MAPK10: variants seen among roughly 807,000 people sequenced by gnomAD.
MAPK10 encodes the protein mitogen-activated protein kinase 10.
A neutral mutation model predicts 59.3 loss-of-function variants in MAPK10; 25 were observed. That is an observed-to-expected ratio of 0.42 (90% CI 0.31 to 0.59). The LOEUF is 0.59. Among genes scored for constraint, MAPK10 ranks in the 20% least tolerant of loss-of-function variants. The probability of loss-of-function intolerance (pLI) is 0.15; values close to 1 mark genes in which losing one functional copy is unlikely to be tolerated. For synonymous variants in MAPK10, 190 were observed against 200.5 expected, an observed-to-expected ratio of 0.95 and a Z score of 0.44; for missense variants, 351 against 568.9, an observed-to-expected ratio of 0.62 and a Z score of 3.90.
At chr4:86,112,352 G>A (rs1243594726) in intron 4 of MAPK10, among the ~76,000 whole-genome samples, 1 of 152,134 alleles carries the variant, frequency 6.6e-6, no homozygotes, top group African/African-American at 2.4e-5. Flanking sequence ...TGGGCACTTA[G>A]AGCTATAAAT....
chr4:86,165,449 T>C (rs7696980), intron 3 of MAPK10, among the ~76,000 whole-genome samples: 12,835 of 151,680 alleles, frequency 0.085, 1,196 homozygotes, highest in African/African-American at 0.23. Flanking sequence ...ACAATCATGG[T>C]TTGCTGCAGC....
chr4:86,418,976 C>T (rs190678885), intron 1 of MAPK10, among the ~76,000 whole-genome samples: 16 of 152,070 alleles, frequency 1.1e-4, no homozygotes, highest in African/African-American at 3.6e-4. Flanking sequence ...GGGATAAGAA[C>T]GGTATAATGA....
chr4:86,502,506 T>G (rs1755404407), intron 1 of MAPK10, among the ~76,000 whole-genome samples: 1 of 152,060 alleles, frequency 6.6e-6, no homozygotes, highest in African/African-American at 2.4e-5. Context: ...CTCACAAAAC[T>G]TCTTGTTTCT....
At chr4:86,212,787 C>A (rs2086207805) in intron 2 of MAPK10, among the ~76,000 whole-genome samples, 1 of 152,054 alleles carries the variant, frequency 6.6e-6, no homozygotes, top group Non-Finnish European at 1.5e-5. Context: ...TAGTTGGAGA[C>A]TTCAACATGC....
intron 2 of MAPK10, chr4:86,321,905 C>G (rs1262368265): frequency 6.6e-6 from 1 of 150,840 alleles, no homozygotes; most frequent in African/African-American, 2.4e-5. Flanking sequence ...GTATGTTTTC[C>G]AGGCTGGTCT....
chr4:86,129,585 T>C (rs2060651308), intron 4 of MAPK10, among the ~76,000 whole-genome samples: 1 of 152,166 alleles, frequency 6.6e-6, no homozygotes, highest in Non-Finnish European at 1.5e-5. Context: ...TGGGATTTCT[T>C]TGCACAATTA....
At chr4:86,331,598 G>A (rs535523943) in intron 2 of MAPK10, among the ~76,000 whole-genome samples, 1 of 152,200 alleles carries the variant, frequency 6.6e-6, no homozygotes, top group Non-Finnish European at 1.5e-5. Context: ...GAGAGCACAA[G>A]GTGTTCCTTC....
At chr4:86,591,163 G>C (rs1357210458) in intron 1 of MAPK10, among the ~76,000 whole-genome samples, 1 of 152,040 alleles carries the variant, frequency 6.6e-6, no homozygotes, top group Non-Finnish European at 1.5e-5. Flanking sequence ...GGCTCAAACA[G>C]CCCTCCTGCC....
chr4:86,499,408 C>G (rs1439491110), intron 1 of MAPK10, among the ~76,000 whole-genome samples: 1 of 152,122 alleles, frequency 6.6e-6, no homozygotes, highest in Non-Finnish European at 1.5e-5. Context: ...AGTAACACAG[C>G]AAGAACATTT....
chr4:86,036,484 G>T (rs1479958921), intron 11 of MAPK10, among the ~76,000 whole-genome samples: 2 of 150,480 alleles, frequency 1.3e-5, no homozygotes, highest in Non-Finnish European at 3.0e-5. Context: ...TTTTTTCTGA[G>T]AAACCACCAT....
At chr4:86,299,760 G>T (rs974292741) in intron 2 of MAPK10, among the ~76,000 whole-genome samples, 6 of 151,698 alleles carry the variant, frequency 4.0e-5, no homozygotes, top group Admixed American at 6.6e-5. Flanking sequence ...TCCAGGAAAA[G>T]AGTTTAATTA....
At chr4:86,582,886 G>T (rs1762398892) in intron 1 of MAPK10, among the ~76,000 whole-genome samples, 1 of 151,716 alleles carries the variant, frequency 6.6e-6, no homozygotes, top group South Asian at 2.1e-4. Flanking sequence ...ATATAATTAG[G>T]TGATATAAAT....
intron 2 of MAPK10, among the ~76,000 whole-genome samples, chr4:86,327,998 C>A (rs1278565221): frequency 6.6e-6 from 1 of 151,884 alleles, no homozygotes; most frequent in Non-Finnish European, 1.5e-5. Context: ...CTTATAAAAT[C>A]TTCCTATGGT....
chr4:86,169,356 G>C (rs2073194777), intron 3 of MAPK10, among the ~76,000 whole-genome samples: 1 of 152,176 alleles, frequency 6.6e-6, no homozygotes, highest in Non-Finnish European at 1.5e-5. Context: ...AACCAATACA[G>C]AGAAGTGCTT....
intron 11 of MAPK10, among the ~76,000 whole-genome samples, chr4:86,051,914 G>C (rs528572441): frequency 2.6e-5 from 4 of 152,036 alleles, no homozygotes; most frequent in Non-Finnish European, 2.9e-5. Context: ...AAGGAAGTGA[G>C]TGCTTCCGAA....
At chr4:86,022,534 G>T (rs1369620304) in intron 13 of MAPK10, among the ~76,000 whole-genome samples, 1 of 151,364 alleles carries the variant, frequency 6.6e-6, no homozygotes, top group Non-Finnish European at 1.5e-5. Context: ...TTAAGGACAG[G>T]GTCTCAGTCG....
intron 1 of MAPK10, among the ~76,000 whole-genome samples, chr4:86,536,045 C>A (rs147646885): frequency 1.6e-4 from 24 of 152,200 alleles, no homozygotes; most frequent in African/African-American, 5.5e-4. Context: ...CATTTTATTT[C>A]CCCTTGTCCC....
chr4:86,145,728 C>A (rs2064824125), intron 4 of MAPK10, among the ~76,000 whole-genome samples: 1 of 151,932 alleles, frequency 6.6e-6, no homozygotes, highest in African/African-American at 2.4e-5. Flanking sequence ...GTGTATCTTT[C>A]TTCTTCTGTC....
At chr4:86,116,581 A>G (rs1380054489) in intron 4 of MAPK10, among the ~76,000 whole-genome samples, 2 of 152,216 alleles carry the variant, frequency 1.3e-5, no homozygotes, top group Non-Finnish European at 2.9e-5. Context: ...CATGTGGAAT[A>G]ACTGAGAAAA....
Sources: gnomAD v4.1 joint callset for allele counts (sites outside exome capture counted in the v4.1 genomes callset) on GRCh38, gnomAD v4.1.1 for gene constraint, MANE v1.5 for transcripts, NCBI Gene and HGNC (gene_info 2026-07-23, HGNC 2026-07-21) for gene names.